The following PPP2R2C variants were observed in gnomAD, a reference collection of about 807,000 sequenced individuals.
The protein encoded by PPP2R2C is protein phosphatase 2 regulatory subunit Bgamma.
Under a neutral mutation model 45.3 loss-of-function variants are expected in PPP2R2C, and 10 were observed. The ratio of observed to expected loss-of-function variants is 0.22; its 90% CI spans 0.14 to 0.37. PPP2R2C has a LOEUF of 0.37. PPP2R2C is among the 10% of genes least tolerant of loss of function. PPP2R2C has a pLI of 1.00. For missense variants in PPP2R2C, 308 were observed against 619.7 expected (o/e 0.50, Z 5.34); for synonymous variants, 257 against 245.4 (o/e 1.05, Z -0.44).
intron 2 of PPP2R2C, among the ~76,000 whole-genome samples, chr4:6,511,180 C>G (rs1723439658): frequency 6.6e-6 from 1 of 152,152 alleles, no homozygotes; most frequent in Non-Finnish European, 1.5e-5. Flanking sequence ...GAAAAACACG[C>G]AAAATGCTTA....
chr4:6,553,222 C>A (rs977986609), intron 1 of PPP2R2C, among the ~76,000 whole-genome samples: 1 of 152,216 alleles, frequency 6.6e-6, no homozygotes, highest in Non-Finnish European at 1.5e-5. Flanking sequence ...AGTGTTCCCC[C>A]TCTCCCTCCT....
rs2108848727 is a variant in PPP2R2C, at chr4:6,563,316, C to T, written c.-59+244G>A. Among the ~76,000 whole-genome samples the T allele has an allele frequency of 6.6e-6, 1 of 152,292 alleles. No homozygotes were observed. The highest frequency in any genetic ancestry group is 1.9e-4 in the East Asian group (1 of 5,160). ...CCCGAGAGCACGCGCTCCGGAGGGA[C>T]CCCGGCACTTCGGACCCTAGCAGAG... On this transcript the variant is annotated intron_variant, in intron 1 of 9. Transcript: ENST00000506140. The surrounding 1 kb of genome is among the most constrained non-coding windows in gnomAD (Gnocchi z 5.8).
chr4:6,507,534 C>T (rs1401446715), intron 2 of PPP2R2C, among the ~76,000 whole-genome samples: 1 of 152,234 alleles, frequency 6.6e-6, no homozygotes, highest in South Asian at 2.1e-4. Context: ...GAGGCCGAGC[C>T]AGCCTCCAGC....
chr4:6,403,112 A>G lies in PPP2R2C; in HGVS notation c.71-22018T>C, dbSNP rs1717536861. 6.6e-5 allele frequency among the ~76,000 whole-genome samples: 10 copies of G among 152,360 alleles called. No individual in the cohort carries two copies. In the South Asian group the frequency reaches 1.9e-3, roughly 28 times the overall value. On this transcript the variant is annotated intron_variant, in intron 1 of 8. Coordinates refer to ENST00000382599, the MANE Select transcript of PPP2R2C (RefSeq NM_020416.4). ...ATTAGAACCACTGAGCAGTCTGAAG[A>G]CTTCAATTATGCACATGGCAGGACA...
chr4:6,553,422 C>T (rs185747836), intron 1 of PPP2R2C, among the ~76,000 whole-genome samples: 11 of 152,334 alleles, frequency 7.2e-5, no homozygotes, highest in South Asian at 4.1e-4. Flanking sequence ...TCCCCCTATC[C>T]GGGAAGAAAC....
chr4:6,555,907 G>C (rs746465928), intron 1 of PPP2R2C, among the ~76,000 whole-genome samples: 1 of 152,200 alleles, frequency 6.6e-6, no homozygotes, highest in Non-Finnish European at 1.5e-5. Flanking sequence ...TGTGGCAGTG[G>C]CCAGCTCAGC....
intron 2 of PPP2R2C, among the ~76,000 whole-genome samples, chr4:6,519,418 A>G (rs770400662): frequency 2.6e-4 from 39 of 152,132 alleles, no homozygotes; most frequent in Non-Finnish European, 5.3e-4. Context: ...CTAAAACCCT[A>G]AAAGTCCACC....
chr4:6,388,745 C>A (rs1716399231), intron 1 of PPP2R2C, among the ~76,000 whole-genome samples: 1 of 152,166 alleles, frequency 6.6e-6, no homozygotes, highest in Non-Finnish European at 1.5e-5. Flanking sequence ...GGTGGGGAGG[C>A]CTGGAACAGA....
chr4:6,375,658 C>T (rs1263029637), intron 4 of PPP2R2C, among the ~76,000 whole-genome samples, 161 bp downstream of exon 4: 1 of 152,228 alleles, frequency 6.6e-6, no homozygotes, highest in African/African-American at 2.4e-5. Context: ...GGTGAGGAAA[C>T]TGAGGCAAGG....
intron 1 of PPP2R2C, among the ~76,000 whole-genome samples, chr4:6,413,335 C>G (rs1718312934): frequency 3.3e-5 from 5 of 152,248 alleles, no homozygotes; most frequent in Admixed American, 3.3e-4. Context: ...TACACACTGA[C>G]ACACTCTCAT....
chr4:6,438,450 C>G (rs1441364181), intron 1 of PPP2R2C, among the ~76,000 whole-genome samples: 1 of 152,202 alleles, frequency 6.6e-6, no homozygotes, highest in Non-Finnish European at 1.5e-5. Context: ...GGACGGGTCT[C>G]CCTCTGTACC....
chr4:6,439,676 A>G (rs1304099878), intron 1 of PPP2R2C, among the ~76,000 whole-genome samples: 1 of 152,054 alleles, frequency 6.6e-6, no homozygotes, highest in Non-Finnish European at 1.5e-5. Flanking sequence ...TCTCCCCACC[A>G]TGAACAGAGA....
At chr4:6,346,797 G>A (rs548270409) in intron 6 of PPP2R2C, among the ~76,000 whole-genome samples, 2 of 152,330 alleles carry the variant, frequency 1.3e-5, no homozygotes, top group South Asian at 4.1e-4. Flanking sequence ...GGAACAGTGT[G>A]GCCCCATCGC....
intron 1 of PPP2R2C, among the ~76,000 whole-genome samples, chr4:6,402,274 G>A (rs188673195): frequency 8.9e-4 from 136 of 152,210 alleles, no homozygotes; most frequent in Admixed American, 2.6e-3. Context: ...TCCAGCCCTC[G>A]GCACTTTCCA....
intron 7 of PPP2R2C, among the ~76,000 whole-genome samples, chr4:6,333,302 C>A (rs1732563462): frequency 6.6e-6 from 1 of 152,240 alleles, no homozygotes; most frequent in Non-Finnish European, 1.5e-5. Flanking sequence ...TCTCTTTCCT[C>A]CCTGGAATTG....
intron 1 of PPP2R2C, among the ~76,000 whole-genome samples, chr4:6,427,878 A>G (rs1165196070): frequency 6.6e-6 from 1 of 152,208 alleles, no homozygotes; most frequent in Non-Finnish European, 1.5e-5. Context: ...GGGCACAGGC[A>G]GGACTCTGGG....
intron 1 of PPP2R2C, among the ~76,000 whole-genome samples, chr4:6,461,353 A>C (rs2108757664): frequency 6.6e-6 from 1 of 152,302 alleles, no homozygotes; most frequent in East Asian, 1.9e-4. Flanking sequence ...GACATCCACC[A>C]AGATGCAGGT....
intron 1 of PPP2R2C, among the ~76,000 whole-genome samples, chr4:6,545,008 C>T (rs1724931809): frequency 6.6e-6 from 1 of 152,126 alleles, no homozygotes; most frequent in African/African-American, 2.4e-5. Context: ...AATGCAGTGT[C>T]AGGAAGGATG....
intron 8 of PPP2R2C, among the ~76,000 whole-genome samples, chr4:6,326,958 G>T (rs1049549747): frequency 6.6e-6 from 1 of 152,240 alleles, no homozygotes; most frequent in Non-Finnish European, 1.5e-5. Flanking sequence ...GGTCTGCAAG[G>T]ATGTGGGAAC....
Sources: gnomAD v4.1 joint callset for allele counts (sites outside exome capture counted in the v4.1 genomes callset) on GRCh38, gnomAD v4.1.1 for gene constraint, Gnocchi (gnomAD v3.1) non-coding constraint, MANE v1.5 for transcripts, NCBI Gene and HGNC (gene_info 2026-07-23, HGNC 2026-07-21) for gene names.